Variants in TRIM71 observed in about 807,000 individuals in gnomAD.
TRIM71 encodes the protein tripartite motif containing 71.
In TRIM71, 9 loss-of-function variants were observed where a neutral mutation model predicts 61.2. That is an observed-to-expected ratio of 0.15 (90% CI 0.09 to 0.26). The LOEUF is 0.26. Ranked by LOEUF, TRIM71 falls within the 10% of genes least tolerant of loss-of-function variation. The pLI is 1.00. For missense variants in TRIM71, 998 were observed against 1,238.7 expected (o/e 0.81, Z 2.92); for synonymous variants, 645 against 553.2 (o/e 1.17, Z -2.33).
chr3:32,881,564 C>T (rs1341081462), intron 2 of TRIM71, among the ~76,000 whole-genome samples: 5 of 152,160 alleles, frequency 3.3e-5, no homozygotes, highest in Admixed American at 2.6e-4. Context: ...CACTGATTTG[C>T]CAGTCCAAAT....
At chr3:32,883,213 C>T (rs1432624960) in intron 2 of TRIM71, among the ~76,000 whole-genome samples, 1 of 152,246 alleles carries the variant, frequency 6.6e-6, no homozygotes, top group East Asian at 1.9e-4. Context: ...TGCTTATATG[C>T]ATGCTCATTT....
intron 1 of TRIM71, among the ~76,000 whole-genome samples, chr3:32,825,772 C>T (rs957373394): frequency 2.6e-5 from 4 of 152,140 alleles, no homozygotes; most frequent in East Asian, 1.9e-4. Flanking sequence ...ACTCCGTTAC[C>T]GCTTTTCTTC....
intron 1 of TRIM71, among the ~76,000 whole-genome samples, chr3:32,842,701 G>C (rs891150734): frequency 1.0e-5 from 1 of 98,748 alleles, no homozygotes; most frequent in African/African-American, 3.6e-5. Flanking sequence ...GAAACCCCAG[G>C]GTTATTCATG....
intron 1 of TRIM71, among the ~76,000 whole-genome samples, chr3:32,856,701 G>T (rs560088763): frequency 5.3e-5 from 8 of 152,288 alleles, no homozygotes; most frequent in African/African-American, 1.7e-4. Context: ...ATCTCTCAAC[G>T]TTCTTTTCAA....
chr3:32,845,698 G>A (rs1447150257), intron 1 of TRIM71, among the ~76,000 whole-genome samples: 4 of 143,078 alleles, frequency 2.8e-5, no homozygotes, highest in African/African-American at 7.7e-5. Flanking sequence ...ATTGCCATGC[G>A]ACCTAGGCCA....
chr3:32,842,418 A>G (rs375628349), intron 1 of TRIM71, among the ~76,000 whole-genome samples: 18 of 152,328 alleles, frequency 1.2e-4, no homozygotes, highest in African/African-American at 4.3e-4. Context: ...TTTCAGTAAA[A>G]ATTGAGTATG....
At chr3:32,879,358 C>G (rs1390152488) in intron 2 of TRIM71, among the ~76,000 whole-genome samples, 1 of 152,188 alleles carries the variant, frequency 6.6e-6, no homozygotes, top group Non-Finnish European at 1.5e-5. Context: ...ACAGCTTTGA[C>G]TGTTTGGTGT....
chr3:32,853,390 TAC>T (rs1696561446), intron 1 of TRIM71, among the ~76,000 whole-genome samples: 1 of 152,154 alleles, frequency 6.6e-6, no homozygotes, highest in South Asian at 2.1e-4. Flanking sequence ...GTGCTGGGAT[TAC>T]AGGCATGAGC....
chr3:32,859,810 G>A (rs536873537), intron 1 of TRIM71, among the ~76,000 whole-genome samples: 1 of 152,266 alleles, frequency 6.6e-6, no homozygotes, highest in South Asian at 2.1e-4. Context: ...ATGGGGAGCA[G>A]CCAAGGGACT....
chr3:32,821,594 G>T (rs2125673056), intron 1 of TRIM71, among the ~76,000 whole-genome samples: 1 of 152,296 alleles, frequency 6.6e-6, no homozygotes, highest in East Asian at 1.9e-4. Flanking sequence ...CGTACTTGCT[G>T]CTACTCTTTT....
intron 1 of TRIM71, among the ~76,000 whole-genome samples, chr3:32,845,893 G>A (rs1256354850): frequency 2.7e-5 from 4 of 150,248 alleles, no homozygotes; most frequent in African/African-American, 7.4e-5. Flanking sequence ...GCTAATTTTT[G>A]TATTTTTAGT....
chr3:32,852,866 C>T lies in TRIM71; in HGVS notation c.853-20952C>T, dbSNP rs551476952. The stretch of plus-strand genomic sequence containing the variant: ...TATTTTAGGAACACGAAGAGAATAG[C>T]AAAAGGTATTTGCAATTAAATTCTA... On this transcript the variant is annotated intron_variant, in intron 1 of 3. Coordinates refer to ENST00000383763, the MANE Select transcript of TRIM71 (RefSeq NM_001039111.3). 1.9e-4 allele frequency among the ~76,000 whole-genome samples: 29 copies of T among 151,820 alleles called. No individual in the cohort carries two copies. The South Asian group carries it at 5.6e-3, about 29-fold the overall frequency.
chr3:32,850,892 C>T (rs1449657208), intron 1 of TRIM71, among the ~76,000 whole-genome samples: 2 of 152,188 alleles, frequency 1.3e-5, no homozygotes, highest in Non-Finnish European at 2.9e-5. Context: ...TCATTCTCCA[C>T]CCCCACCACC....
At chr3:32,822,619 TC>T (rs1410049201) in intron 1 of TRIM71, among the ~76,000 whole-genome samples, 2 of 152,210 alleles carry the variant, frequency 1.3e-5, no homozygotes, top group East Asian at 3.8e-4. Flanking sequence ...CTAAGTTTTT[TC>T]AGGTCTGCAT....
intron 1 of TRIM71, among the ~76,000 whole-genome samples, chr3:32,824,152 G>A (rs576666861): frequency 6.6e-6 from 1 of 152,104 alleles, no homozygotes; most frequent in East Asian, 1.9e-4. Context: ...TTGTATTATA[G>A]CTACTTACTT....
chr3:32,857,839 T>C (rs527548888), intron 1 of TRIM71, among the ~76,000 whole-genome samples: 1 of 152,174 alleles, frequency 6.6e-6, no homozygotes, highest in Admixed American at 6.5e-5. Context: ...GGTGTGGTAG[T>C]GGGTGCCTGT....
At chr3:32,829,185 CTTTTTTTTTTTTT>C in intron 1 of TRIM71, among the ~76,000 whole-genome samples, 1 of 129,784 alleles carries the variant, frequency 7.7e-6, no homozygotes, top group African/African-American at 2.8e-5. Context: ...TTTTTCTTTT[CTTTTTTTTTTTTT>C]TTTGAGATGG....
intron 1 of TRIM71, among the ~76,000 whole-genome samples, chr3:32,851,926 A>G (rs1206973155): frequency 1.3e-5 from 2 of 152,222 alleles, no homozygotes; most frequent in East Asian, 1.9e-4. Flanking sequence ...AGCTGATGTT[A>G]TCACTTAGGC....
At chr3:32,839,805 G>T (rs1459309179) in intron 1 of TRIM71, among the ~76,000 whole-genome samples, 1 of 152,046 alleles carries the variant, frequency 6.6e-6, no homozygotes, top group South Asian at 2.1e-4. Context: ...TTGGGTAAGG[G>T]CATTGAAGGT....
Sources: gnomAD v4.1 joint callset for allele counts (sites outside exome capture counted in the v4.1 genomes callset) on GRCh38, gnomAD v4.1.1 for gene constraint, MANE v1.5 for transcripts, NCBI Gene and HGNC (gene_info 2026-07-23, HGNC 2026-07-21) for gene names.